VPS13C: variants seen among roughly 807,000 people sequenced by gnomAD.
The protein encoded by VPS13C is intermembrane lipid transfer protein VPS13C.
VPS13C carries 358 observed loss-of-function variants against 456.8 expected under a neutral mutation model. That is an observed-to-expected ratio of 0.78 (90% confidence interval 0.72 to 0.86). VPS13C has a LOEUF of 0.86. VPS13C is among the 40% of genes least tolerant of loss of function. The pLI, the probability that VPS13C is intolerant of heterozygous loss-of-function variation, is 0.00. For synonymous variants in VPS13C, 1,578 were observed against 1,486.7 expected (o/e 1.06, Z -1.41); for missense variants, 4,818 against 4,385.4 (o/e 1.10, Z -2.79).
rs755382711 is a variant in VPS13C at position 61,991,782 on chromosome 15, T to C, written c.1374A>G (p.Lys458=). The C allele has an allele frequency of 1.1e-5, 18 of 1,612,600 alleles. 1 individual carries two copies. The African/African-American group carries it at 2.0e-4, about 18-fold the overall frequency. ...CTGTGTCAGCAGACTTTTTCCTTAA[T>C]TTTTGCCCAGACCGAATCACCTGAA... The part of the protein sequence containing the change: ...AQVEVIRSGQ[K]LRKKSADTGE... Residue 458 remains lysine (K), a synonymous_variant, in exon 17 of 85, where the codon AAA becomes AAG. Coordinates refer to ENST00000644861, the MANE Select transcript of VPS13C (RefSeq NM_020821.3).
chr15:62,010,526 T>C lies in VPS13C; in HGVS notation c.957A>G (p.Lys319=), dbSNP rs371566705. The change falls in exon 13 of 85, where the codon AAA becomes AAG. Residue 319 remains lysine (K), a synonymous_variant. Coordinates refer to ENST00000644861, the MANE Select transcript of VPS13C (RefSeq NM_020821.3). The stretch of plus-strand genomic sequence containing the variant: ...TTTGTATTTCTATGTTGCAATCCAG[T>C]TTGGGCGTTTTGAGCTCTGATTCTG... The part of the protein sequence containing the change: ...PYAESELKTP[K]LDCNIEIQNI... 6.2e-6 allele frequency: 10 copies of C among 1,613,498 alleles called. No individual in the cohort carries two copies. In the African/African-American group the frequency reaches 1.2e-4, roughly 19 times the overall value.
chr15:61,925,645 A>C, intron 52 of VPS13C, 97 bp from the exon 53 acceptor site: 1 of 829,354 alleles, frequency 1.2e-6, no homozygotes, highest in South Asian at 3.6e-5. Flanking sequence ...GGGATCTTTA[A>C]CTACAGCCTG....
Position 62,018,277 on chromosome 15 carries a change from T to C in VPS13C, c.684+2202A>G, listed in dbSNP as rs182573315. ...TCTTTTCCTAATTGAATACCCTTTA[T>C]TTCTTTCTCCTGCTTGACTGCCCTG... is the stretch of plus-strand genomic sequence containing the variant. On this transcript the variant is annotated intron_variant, in intron 9 of 84. Transcript: ENST00000644861. 3.7e-4 allele frequency among the ~76,000 whole-genome samples: 56 copies of C among 152,196 alleles called. No homozygotes were observed. In the East Asian group the frequency reaches 0.011, roughly 29 times the overall value.
chr15:61,866,284 T>A, intron 81 of VPS13C: 1 of 983,714 alleles, frequency 1.0e-6, no homozygotes, highest in East Asian at 1.1e-4. Flanking sequence ...TTAAAAGTTG[T>A]CTGATATCTT....
At position 61,983,995 on chromosome 15, in the gene VPS13C, T is replaced by C; in HGVS notation, c.1739A>G (p.Glu580Gly). 1 of 1,613,544 alleles carries C rather than the reference T, an allele frequency of 6.2e-7. No individual in the cohort carries two copies. The highest frequency in any genetic ancestry group is 8.5e-7 in the Non-Finnish European group (1 of 1,179,766). ...TCTCAAACCTGTTATATACCAGTGT[T>C]CTAATTTCGCTTCTACCCTATAATC... ...AQALKVEAKL[E>G]HWYITGLRQQ... is the part of the protein sequence containing the mutation. The change falls in exon 20 of 85, where the codon GAA becomes GGA. Residue 580 changes from glutamate (E) to glycine (G), a missense_variant. Transcript: ENST00000644861.
In VPS13C at chr15:61,858,556, A is replaced by G. The variant is rs1894053187; in HGVS notation, c.10953-2147T>C. Among the ~76,000 whole-genome samples the G allele has an allele frequency of 6.6e-6, 1 of 152,170 alleles. No individual in the cohort carries two copies. The highest frequency in any genetic ancestry group is 6.5e-5 in the Admixed American group (1 of 15,270). ...CCAAGATTCCCCAACCCTGGTATAT[A>G]TCTCTGTATAGTGCCCTGGACTTTG... On this transcript the variant is annotated intron_variant, in intron 82 of 84. Transcript: ENST00000644861. The surrounding 1 kb of genome is among the most constrained non-coding windows in gnomAD (Gnocchi z 4.4).
At chr15:61,914,880 A>T (rs1321469676) in intron 61 of VPS13C, among the ~76,000 whole-genome samples, 957 of 41,928 alleles carry the variant, frequency 0.023, 23 homozygotes, top group African/African-American at 0.097. Context: ...CTCTGCCTTA[A>T]AAAAAAAAAA....
chr15:61,971,681 A>G (rs1029891733), intron 27 of VPS13C, among the ~76,000 whole-genome samples: 3 of 152,246 alleles, frequency 2.0e-5, no homozygotes, highest in Admixed American at 6.5e-5. Flanking sequence ...TGACTTAGAC[A>G]GTACAGTAGC....
chr15:61,884,352 T>G (rs1214616208), intron 67 of VPS13C, 83 bp from the exon 68 acceptor site: 1 of 1,401,354 alleles, frequency 7.1e-7, no homozygotes, highest in Non-Finnish European at 9.7e-7. Flanking sequence ...TTATTGTAAC[T>G]ATTATTTTCC....
intron 66 of VPS13C, among the ~76,000 whole-genome samples, chr15:61,898,625 G>C (rs977525930): frequency 6.7e-6 from 1 of 148,462 alleles, no homozygotes; most frequent in Non-Finnish European, 1.5e-5. Context: ...GACCTACAAA[G>C]AGACTTAGAC....
In VPS13C at chr15:61,894,818, T is replaced by C. The variant is rs138764076; in HGVS notation, c.9106-4418A>G. 8.2e-3 allele frequency among the ~76,000 whole-genome samples: 1,249 copies of C among 152,198 alleles called. 14 individuals are homozygous for C. Among genetic ancestry groups the C allele is most frequent in the African/African-American group, 0.029 (1,198 of 41,524 alleles). Reference sequence around the variant, plus strand: ...ACCTCAACACCCCCACTCTCAGTAATAGAGAGATCATCCAGACAGAAAATC... The same window carrying C: ...ACCTCAACACCCCCACTCTCAGTAACAGAGAGATCATCCAGACAGAAAATC... On this transcript the variant is annotated intron_variant, in intron 66 of 84. Coordinates refer to ENST00000644861, the MANE Select transcript of VPS13C (RefSeq NM_020821.3).
intron 56 of VPS13C, 82 bp from the exon 57 acceptor site, chr15:61,920,413 T>C (rs1199853969): frequency 4.0e-6 from 6 of 1,496,316 alleles, no homozygotes; most frequent in Admixed American, 2.4e-5. Context: ...TACACATTTT[T>C]TGGAAACTAA....
At chr15:62,055,650 T>C (rs557220345) in intron 1 of VPS13C, among the ~76,000 whole-genome samples, 1 of 152,252 alleles carries the variant, frequency 6.6e-6, no homozygotes, top group Non-Finnish European at 1.5e-5. Flanking sequence ...ATTTCGATCT[T>C]AAAACTACTT....
At chr15:61,884,854 A>T (rs1896153909) in intron 67 of VPS13C, among the ~76,000 whole-genome samples, 1 of 152,114 alleles carries the variant, frequency 6.6e-6, no homozygotes, top group East Asian at 1.9e-4. Flanking sequence ...ATGAGAATTT[A>T]TTATTTTACT....
chr15:61,912,133 G>C (rs1379722585), intron 62 of VPS13C, 129 bp from the exon 63 acceptor site: 2 of 845,008 alleles, frequency 2.4e-6, no homozygotes, highest in Non-Finnish European at 3.2e-6. Context: ...GCAACTATAA[G>C]TTACATTCTG....
At chr15:62,022,543 C>G (rs1055987555) in intron 8 of VPS13C, among the ~76,000 whole-genome samples, 1 of 151,786 alleles carries the variant, frequency 6.6e-6, no homozygotes, top group Non-Finnish European at 1.5e-5. Flanking sequence ...TAACACAATT[C>G]ATTTTAATGA....
At chr15:61,909,712 G>T (rs1232253664) in intron 64 of VPS13C, among the ~76,000 whole-genome samples, 1 of 152,038 alleles carries the variant, frequency 6.6e-6, no homozygotes, top group Non-Finnish European at 1.5e-5. Flanking sequence ...CCCTACAAAG[G>T]ACATGAACTC....
intron 16 of VPS13C, among the ~76,000 whole-genome samples, chr15:61,996,984 A>T (rs1400386728): frequency 1.5e-5 from 2 of 137,570 alleles, no homozygotes; most frequent in Non-Finnish European, 3.0e-5. Context: ...TTGCCTATAT[A>T]TTTTACATAC....
At chr15:61,974,547 C>T (rs2045648774) in intron 24 of VPS13C, 130 bp from the exon 25 acceptor site, 1 of 856,780 alleles carries the variant, frequency 1.2e-6, no homozygotes, top group African/African-American at 1.8e-5. Flanking sequence ...ACACTAATGC[C>T]TCATTTAGAC....
Sources: gnomAD v4.1 joint callset for allele counts (sites outside exome capture counted in the v4.1 genomes callset) on GRCh38, gnomAD v4.1.1 for gene constraint, Gnocchi (gnomAD v3.1) non-coding constraint, MANE v1.5 for transcripts, NCBI Gene and HGNC (gene_info 2026-07-23, HGNC 2026-07-21) for gene names.